DNAH6: variants seen among roughly 807,000 people sequenced by gnomAD.
The protein encoded by DNAH6 is axonemal beta dynein heavy chain 6.
A neutral mutation model predicts 491.4 loss-of-function variants in DNAH6; 340 were observed. The ratio of observed to expected loss-of-function variants is 0.69; its 90% CI spans 0.63 to 0.76. The LOEUF is 0.76. Ranked by LOEUF, DNAH6 falls within the 30% of genes least tolerant of loss-of-function variation. The pLI is 0.00. For missense variants in DNAH6, 4,443 were observed against 4,972.2 expected (o/e 0.89, Z 3.20); for synonymous variants, 1,603 against 1,686.1 (o/e 0.95, Z 1.21).
In DNAH6 at chr2:84,617,100, C is replaced by T. The variant is rs940113743; in HGVS notation, c.3572+118C>T. 108 of 571,932 alleles carry T rather than the reference C, an allele frequency of 1.9e-4. No homozygotes were observed. In the Middle Eastern group the frequency reaches 1.9e-3, roughly 10 times the overall value. 35.4% of individuals were successfully genotyped at this position (571,932 alleles called of 1,614,324 possible). On this transcript the variant is annotated intron_variant, in intron 23 of 76. Coordinates refer to ENST00000389394, the MANE Select transcript of DNAH6 (RefSeq NM_001370.2). The stretch of plus-strand genomic sequence containing the variant: ...TAGAGAGAGAAACAAAAAAGATCTA[C>T]GATAATGAAAATCCAACTAGTTATC...
upstream of DNAH6, among the ~76,000 whole-genome samples, chr2:84,514,527 T>A (rs1187654844): frequency 6.6e-6 from 1 of 152,216 alleles, no homozygotes; most frequent in Non-Finnish European, 1.5e-5. Context: ...GATGTGAACT[T>A]GTGAGTAACC....
rs772816080 is a variant in DNAH6 at position 84,584,074 on chromosome 2, C to G, written c.2305C>G (p.Pro769Ala). The G allele has an allele frequency of 9.3e-6, 15 of 1,614,008 alleles. No individual in the cohort carries two copies. Among genetic ancestry groups the G allele is most frequent in the Non-Finnish European group, 1.2e-5 (14 of 1,180,006 alleles). Residue 769 changes from proline (P) to alanine (A), a missense_variant, in exon 15 of 77, where the codon CCT becomes GCT. Around this residue, in one of 3 missense-constraint regions of DNAH6, gnomAD observed 2,977 missense variants for 3,296.6 expected, o/e 0.90. Coordinates refer to ENST00000389394, the MANE Select transcript of DNAH6 (RefSeq NM_001370.2). ...KLMEQYQVPT[P>A]PEDFAVFATM... is the part of the protein sequence containing the mutation. ...TATGGAACAATATCAGGTGCCCACA[C>G]CTCCTGAAGACTTTGCTGTTTTTGC... is the stretch of plus-strand genomic sequence containing the variant.
Position 84,605,587 on chromosome 2 carries a change from A to G in DNAH6, c.3169A>G (p.Ile1057Val), listed in dbSNP as rs1164093643. 1.3e-6 allele frequency: 2 copies of G among 1,549,600 alleles called. No homozygotes were observed. Among genetic ancestry groups the G allele is most frequent in the Non-Finnish European group, 1.7e-6 (2 of 1,145,264 alleles). The part of the protein sequence containing the change: ...DVFILGGTDD[I>V]QVLLDDSTIN... ...GTTTATACTGGGCGGCACAGATGAC[A>G]TACAGGTGGGTAACTGGGTTATTGA... is the stretch of plus-strand genomic sequence containing the variant. Residue 1057 changes from isoleucine to valine, a missense_variant, in exon 20 of 77, where the codon ATA becomes GTA. Physicochemically the swap from Ile to Val is conservative, Grantham distance 29 (BLOSUM62 3). Transcript: ENST00000389394.
intron 39 of DNAH6, among the ~76,000 whole-genome samples, chr2:84,671,046 A>G (rs944296406): frequency 1.3e-5 from 2 of 152,070 alleles, no homozygotes; most frequent in African/African-American, 4.8e-5. Context: ...CCAGGTACGT[A>G]TGGGAGGTGA....
At chr2:84,482,012 C>T in the DNAH6 span, among the ~76,000 whole-genome samples, 1 of 152,186 alleles carries the variant, frequency 6.6e-6, no homozygotes, top group Non-Finnish European at 1.5e-5. Flanking sequence ...TAGATGGGTC[C>T]ACCCTGCAGC....
chr2:84,596,522 G>T (rs1427490476), intron 18 of DNAH6, among the ~76,000 whole-genome samples: 1 of 151,960 alleles, frequency 6.6e-6, no homozygotes, highest in Non-Finnish European at 1.5e-5. Context: ...GTAGAGACAG[G>T]GTTTCACTAT....
the DNAH6 span, among the ~76,000 whole-genome samples, chr2:84,486,318 A>G: frequency 6.6e-6 from 1 of 152,216 alleles, no homozygotes; most frequent in Admixed American, 6.5e-5. Context: ...AAAAGCCACC[A>G]GTGGGGAATA....
At chr2:84,520,274 T>G (rs1337633860) in intron 2 of DNAH6, among the ~76,000 whole-genome samples, 1 of 152,170 alleles carries the variant, frequency 6.6e-6, no homozygotes, top group Non-Finnish European at 1.5e-5. Context: ...AGTTTCTCAA[T>G]CCAATGTACA....
chr2:84,556,118 G>A (rs1183887522), intron 10 of DNAH6, among the ~76,000 whole-genome samples: 3 of 152,178 alleles, frequency 2.0e-5, no homozygotes, highest in Admixed American at 1.3e-4. Flanking sequence ...AGCATTCCAG[G>A]AGAAAGGGGG....
At chr2:84,550,910 T>C (rs2104557421) in intron 9 of DNAH6, among the ~76,000 whole-genome samples, 1 of 152,292 alleles carries the variant, frequency 6.6e-6, no homozygotes, top group East Asian at 1.9e-4. Context: ...ATGTTGATCT[T>C]AAAGACACAG....
chr2:84,733,672 G>A, intron 62 of DNAH6, 93 bp downstream of exon 62: 2 of 1,192,042 alleles, frequency 1.7e-6, no homozygotes, highest in Non-Finnish European at 2.3e-6. Context: ...TGTAATGTCA[G>A]CATTTTTCAC....
At chr2:84,727,941 G>T in intron 61 of DNAH6, 39 bp downstream of exon 61, 1 of 1,317,134 alleles carries the variant, frequency 7.6e-7, no homozygotes, top group South Asian at 1.3e-5. Context: ...GATATGGTTT[G>T]GCTGTGTCCC....
intron 61 of DNAH6, among the ~76,000 whole-genome samples, chr2:84,729,427 G>T (rs536014073): frequency 3.9e-4 from 59 of 152,264 alleles, no homozygotes; most frequent in African/African-American, 1.3e-3. Context: ...GCCAGGCCCT[G>T]CCCTGTGTGT....
the DNAH6 span, among the ~76,000 whole-genome samples, chr2:84,483,852 C>A: frequency 6.6e-6 from 1 of 152,066 alleles, no homozygotes; most frequent in African/African-American, 2.4e-5. Flanking sequence ...TCGTGTGTGA[C>A]CTCCACTGAC....
intron 37 of DNAH6, 68 bp from the exon 38 acceptor site, chr2:84,669,221 T>A: frequency 8.3e-7 from 1 of 1,209,916 alleles, no homozygotes. Flanking sequence ...TCTATGTGAG[T>A]GTATCTACTA....
rs1573476123 is a variant in DNAH6, at chr2:84,518,059, C to A, written c.225+8C>A. On this transcript the variant is annotated splice_region_variant and intron_variant, in intron 2 of 76. Coordinates refer to ENST00000389394, the MANE Select transcript of DNAH6 (RefSeq NM_001370.2). ...ATAAAACTAGAGCCTTTGGTAAGTT[C>A]AAAAACCATTGTTTTAGCCTCTGTA... 6.5e-7 allele frequency: 1 copy of A among 1,532,484 alleles called. No homozygotes were observed. The highest frequency in any genetic ancestry group is 1.3e-5 in the South Asian group (1 of 79,554). The allele number at this position is 1,532,484 out of a possible 1,614,324, so 94.9% of individuals were successfully genotyped here. A position where few individuals can be genotyped will look rare whatever the true frequency, so the allele number is the denominator to read the frequency against.
At chr2:84,682,000 TAA>T (rs5832619) in intron 42 of DNAH6, among the ~76,000 whole-genome samples, 2 of 151,878 alleles carry the variant, frequency 1.3e-5, no homozygotes, top group Admixed American at 6.5e-5. Flanking sequence ...CCTCCCATCT[TAA>T]AAAAAAATAA....
At chr2:84,465,631 T>C in the DNAH6 span, among the ~76,000 whole-genome samples, 2 of 152,190 alleles carry the variant, frequency 1.3e-5, no homozygotes. Flanking sequence ...AAGCTTTCCA[T>C]GGACTGGGCA....
At chr2:84,638,176 T>G (rs2104485402) in intron 31 of DNAH6, among the ~76,000 whole-genome samples, 1 of 152,256 alleles carries the variant, frequency 6.6e-6, no homozygotes, top group East Asian at 1.9e-4. Context: ...TATATTCACA[T>G]TTTGTACTTT....
Sources: gnomAD v4.1 joint callset for allele counts (sites outside exome capture counted in the v4.1 genomes callset) on GRCh38, gnomAD v4.1.1 for gene constraint, gnomAD v4.1.1 regional missense constraint, MANE v1.5 for transcripts, NCBI Gene and HGNC (gene_info 2026-07-23, HGNC 2026-07-21) for gene names.